VAV3: variants seen among roughly 807,000 people sequenced by gnomAD.
The protein encoded by VAV3 is guanine nucleotide exchange factor VAV3.
A neutral mutation model predicts 131.2 loss-of-function variants in VAV3; 94 were observed. The ratio of observed to expected loss-of-function variants is 0.72; its 90% confidence interval spans 0.61 to 0.85. VAV3 has a LOEUF of 0.85. Among genes scored for constraint, VAV3 ranks in the 40% least tolerant of loss-of-function variants. The pLI, the probability that VAV3 is intolerant of heterozygous loss-of-function variation, is 0.00. For synonymous variants in VAV3, 349 were observed against 342.0 expected, an observed-to-expected ratio of 1.02 and a Z score of -0.22; for missense variants, 939 against 1,002.7, an observed-to-expected ratio of 0.94 and a Z score of 0.86.
At chr1:107,632,781 G>A (rs1336488715) in intron 20 of VAV3, among the ~76,000 whole-genome samples, 5 of 152,186 alleles carry the variant, frequency 3.3e-5, no homozygotes, top group Non-Finnish European at 7.3e-5. Flanking sequence ...CTTGCTATCT[G>A]AAATAAATGT....
At chr1:107,640,760 A>G (rs1655279676) in intron 20 of VAV3, among the ~76,000 whole-genome samples, 1 of 152,162 alleles carries the variant, frequency 6.6e-6, no homozygotes, top group Non-Finnish European at 1.5e-5. Flanking sequence ...AAGTGAGCAT[A>G]GACTACTTCC....
intron 4 of VAV3, among the ~76,000 whole-genome samples, chr1:107,773,526 A>G (rs1192056768): frequency 2.0e-5 from 3 of 152,170 alleles, no homozygotes; most frequent in Non-Finnish European, 4.4e-5. Flanking sequence ...CCCTTCCTTT[A>G]TCTGTTTTAT....
intron 1 of VAV3, among the ~76,000 whole-genome samples, chr1:107,929,100 G>A (rs1673294794): frequency 6.6e-6 from 1 of 151,902 alleles, no homozygotes; most frequent in African/African-American, 2.4e-5. Context: ...GGAGTGACAT[G>A]ACATATTTAA....
chr1:107,822,554 C>G (rs1667839373), intron 2 of VAV3, among the ~76,000 whole-genome samples: 1 of 151,818 alleles, frequency 6.6e-6, no homozygotes, highest in South Asian at 2.1e-4. Context: ...ACTTGGGAGG[C>G]TGAGGCAGGA....
chr1:107,838,596 A>G (rs1315243925), intron 2 of VAV3, among the ~76,000 whole-genome samples: 7 of 152,184 alleles, frequency 4.6e-5, no homozygotes, highest in Admixed American at 1.3e-4. Flanking sequence ...CAGCAATCCA[A>G]TTACTGGGTA....
At chr1:107,933,416 T>C (rs987921091) in intron 1 of VAV3, among the ~76,000 whole-genome samples, 2 of 152,144 alleles carry the variant, frequency 1.3e-5, no homozygotes, top group African/African-American at 4.8e-5. Context: ...TGAATATAAA[T>C]GTCCTCAGAG....
intron 21 of VAV3, among the ~76,000 whole-genome samples, chr1:107,615,182 G>C (rs191643870): frequency 2.6e-4 from 39 of 152,200 alleles, no homozygotes. Flanking sequence ...CTAACCATCT[G>C]ATCTTTGACA....
chr1:107,721,681 C>T (rs763814632), intron 15 of VAV3, among the ~76,000 whole-genome samples: 13 of 152,088 alleles, frequency 8.5e-5, no homozygotes, highest in Non-Finnish European at 1.3e-4. Context: ...GGTATCAAGG[C>T]TACCTTACAG....
chr1:107,705,906 T>C (rs1041849896), intron 15 of VAV3, among the ~76,000 whole-genome samples: 2 of 152,212 alleles, frequency 1.3e-5, no homozygotes, highest in African/African-American at 2.4e-5. Context: ...ACTGAAACTA[T>C]AGCTCAAGGA....
chr1:107,695,010 C>T (rs1391552935), intron 17 of VAV3, among the ~76,000 whole-genome samples: 3 of 151,992 alleles, frequency 2.0e-5, no homozygotes, highest in Admixed American at 2.0e-4. Flanking sequence ...TCTGCATTGA[C>T]TTTTTGAAAA....
chr1:107,914,449 T>C (rs1049690434), intron 1 of VAV3, among the ~76,000 whole-genome samples: 1 of 152,210 alleles, frequency 6.6e-6, no homozygotes, highest in African/African-American at 2.4e-5. Flanking sequence ...TATAGGTGAA[T>C]TATTTGAGTC....
chr1:107,595,379 T>C (rs1284668019), intron 25 of VAV3, among the ~76,000 whole-genome samples: 1 of 151,900 alleles, frequency 6.6e-6, no homozygotes, highest in Non-Finnish European at 1.5e-5. Flanking sequence ...TAAAGTTATA[T>C]TAAACCGACG....
At chr1:107,683,384 G>A in intron 19 of VAV3, 104 bp downstream of exon 19, 1 of 1,355,690 alleles carries the variant, frequency 7.4e-7, no homozygotes, top group South Asian at 1.2e-5. Flanking sequence ...AAATTATGAG[G>A]AACAAAGGCC....
chr1:107,701,499 AT>A (rs1660129939), intron 17 of VAV3, among the ~76,000 whole-genome samples: 2 of 150,802 alleles, frequency 1.3e-5, no homozygotes, highest in South Asian at 4.3e-4. Context: ...AGGGGCTGCC[AT>A]GAAGACCTCT....
At chr1:107,758,405 A>G (rs1400143593) in intron 10 of VAV3, among the ~76,000 whole-genome samples, 1 of 152,036 alleles carries the variant, frequency 6.6e-6, no homozygotes, top group East Asian at 1.9e-4. Context: ...CCCCATCTCT[A>G]CAAAAAAAAA....
intron 1 of VAV3, among the ~76,000 whole-genome samples, chr1:107,884,721 A>T (rs980161666): frequency 2.0e-5 from 3 of 151,938 alleles, no homozygotes; most frequent in Non-Finnish European, 4.4e-5. Flanking sequence ...AAGTGCTGGG[A>T]TTATAAGCAT....
intron 13 of VAV3, among the ~76,000 whole-genome samples, chr1:107,749,904 A>T (rs558740977): frequency 1.3e-5 from 2 of 152,328 alleles, no homozygotes; most frequent in East Asian, 3.9e-4. Flanking sequence ...TTTGTTCATG[A>T]GCAATTATCT....
intron 15 of VAV3, among the ~76,000 whole-genome samples, chr1:107,707,541 T>C (rs1200895257): frequency 6.6e-6 from 1 of 152,234 alleles, no homozygotes; most frequent in Non-Finnish European, 1.5e-5. Context: ...TGATAGTGCT[T>C]TGTGACTGGT....
chr1:107,936,113 T>C (rs773838843), intron 1 of VAV3, among the ~76,000 whole-genome samples: 13 of 152,128 alleles, frequency 8.5e-5, no homozygotes, highest in African/African-American at 2.7e-4. Context: ...AAAATGTGAA[T>C]TGAGAAGGGA....
Sources: gnomAD v4.1 joint callset for allele counts (sites outside exome capture counted in the v4.1 genomes callset) on GRCh38, gnomAD v4.1.1 for gene constraint, MANE v1.5 for transcripts, NCBI Gene and HGNC (gene_info 2026-07-23, HGNC 2026-07-21) for gene names.